Variants in COG4 observed in about 807,000 individuals in gnomAD.
The protein encoded by COG4 is conserved oligomeric Golgi complex subunit 4.
A neutral mutation model predicts 95.1 loss-of-function variants in COG4; 65 were observed. That is an observed-to-expected ratio of 0.68 (90% CI 0.56 to 0.84). The LOEUF (loss-of-function observed/expected upper bound fraction) is 0.84. COG4 is among the 40% of genes least tolerant of loss of function. The pLI, the probability that COG4 is intolerant of heterozygous loss-of-function variation, is 0.00. For missense variants in COG4, 1,045 were observed against 989.1 expected (o/e 1.06, Z -0.76); for synonymous variants, 421 against 374.8 (o/e 1.12, Z -1.42).
intron 5 of COG4, 130 bp downstream of exon 5, chr16:70,512,109 C>T: frequency 1.1e-6 from 1 of 877,276 alleles, no homozygotes; most frequent in South Asian, 1.4e-5. Context: ...TGCATGGCTA[C>T]ACAGCAAGGG....
intron 5 of COG4, among the ~76,000 whole-genome samples, chr16:70,510,932 T>C (rs2049690957): frequency 6.6e-6 from 1 of 152,062 alleles, no homozygotes; most frequent in Admixed American, 6.6e-5. Context: ...CCCGGCTAAT[T>C]TTTGTATTTT....
intron 13 of COG4, among the ~76,000 whole-genome samples, chr16:70,485,773 T>C (rs979795702): frequency 2.1e-5 from 3 of 143,508 alleles, no homozygotes; most frequent in African/African-American, 5.2e-5. Context: ...TTTGTAGAGA[T>C]GGGGTTTCAC....
At chr16:70,485,505 A>G (rs1329603074) in intron 13 of COG4, among the ~76,000 whole-genome samples, 1 of 151,194 alleles carries the variant, frequency 6.6e-6, no homozygotes, top group Non-Finnish European at 1.5e-5. Context: ...CGCCTGGCAG[A>G]GACCCTGTCT....
intron 14 of COG4, among the ~76,000 whole-genome samples, chr16:70,483,351 C>T (rs931110248): frequency 8.2e-5 from 12 of 146,638 alleles, no homozygotes; most frequent in East Asian, 2.0e-4. Context: ...GACTGCAGGG[C>T]GTTCTTCCAG....
intron 3 of COG4, chr16:70,515,763 G>C (rs1411908964): frequency 1.0e-5 from 3 of 294,160 alleles, no homozygotes; most frequent in African/African-American, 2.2e-5. Context: ...AGACACCCTT[G>C]TCTTGTTCCT....
In COG4 at chr16:70,490,369, G is replaced by A. The variant is rs1237059055; in HGVS notation, c.1671C>T (p.Val557=). Residue 557 remains valine (V), a synonymous_variant, in exon 13 of 19, where the codon GTC becomes GTT. Coordinates refer to ENST00000323786, the MANE Select transcript of COG4 (RefSeq NM_015386.3). ...SFLVTLNNVE[V]CSENISTLKK... The stretch of plus-strand genomic sequence containing the variant: ...TCAGAGTGGAGATGTTTTCACTGCA[G>A]ACTTCCACGTTGTTCAGAGTCACCT... 6.2e-7 allele frequency: 1 copy of A among 1,613,882 alleles called. No individual in the cohort carries two copies. The highest frequency in any genetic ancestry group is 1.7e-5 in the Admixed American group (1 of 60,010).
In COG4 at chr16:70,517,802, T is replaced by C. The variant is rs572274020; in HGVS notation, c.255-62A>G. 926 of 1,050,936 alleles carry C rather than the reference T, an allele frequency of 8.8e-4. 13 individuals are homozygous for C. Among genetic ancestry groups the C allele is most frequent in the South Asian group, 7.4e-3 (588 of 79,652 alleles). 65.1% of individuals were successfully genotyped at this position (1,050,936 alleles called of 1,614,324 possible). On this transcript the variant is annotated intron_variant, in intron 2 of 18. Transcript: ENST00000323786. ...GGGCAGAGAAGAGACAGAAACTTTTTTTTGCATATGGACACTATGTCTTCT... is the reference window on the plus strand; with the variant it reads ...GGGCAGAGAAGAGACAGAAACTTTTCTTTGCATATGGACACTATGTCTTCT...
At chr16:70,501,304 C>A in intron 8 of COG4, 2 of 587,336 alleles carry the variant, frequency 3.4e-6, no homozygotes, top group Non-Finnish European at 6.1e-6. Flanking sequence ...ATCATTCACT[C>A]CCTAAAATTC....
rs2049998802 is a variant in COG4 at position 70,523,453 on chromosome 16, C to T, written c.91G>A (p.Glu31Lys). ...SEGVGGGRCS[E>K]ISAELIRSLT... ...GAGCGAATGAGCTCAGCGGAGATTT[C>T]GGAGCAGCGGCCACCTCCCACCCCC... The change falls in exon 1 of 19, where the codon GAA becomes AAA. Residue 31 changes from glutamate (E) to lysine (K), a missense_variant. Transcript: ENST00000323786. 1.2e-6 allele frequency: 2 copies of T among 1,614,112 alleles called. No individual in the cohort carries two copies. The highest frequency in any genetic ancestry group is 1.3e-5 in the African/African-American group (1 of 75,044).
chr16:70,516,052 G>T (rs1323476057), intron 3 of COG4: 2 of 455,942 alleles, frequency 4.4e-6, no homozygotes, highest in Non-Finnish European at 8.8e-6. Flanking sequence ...TACCACGAAA[G>T]GATATTGAAT....
At chr16:70,509,673 G>C (rs753062363) in intron 6 of COG4, among the ~76,000 whole-genome samples, 13 of 152,156 alleles carry the variant, frequency 8.5e-5, no homozygotes, top group Non-Finnish European at 1.8e-4. Context: ...ATTTATTTTA[G>C]GGTTAAATTT....
rs2049222733 is a variant in COG4 at position 70,490,514 on chromosome 16, C to T, written c.1648-122G>A. 3 of 810,738 alleles carry T rather than the reference C, an allele frequency of 3.7e-6. No individual in the cohort carries two copies. In the East Asian group the frequency reaches 7.5e-5, roughly 20 times the overall value. 50.2% of individuals were successfully genotyped at this position (810,738 alleles called of 1,614,324 possible). On this transcript the variant is annotated intron_variant, in intron 12 of 18. Transcript: ENST00000323786. ...AGAGAAGGGCTGGCTGGAGTTCAGA[C>T]TTGCGCTAATGAAAACCCACACTGC... is the stretch of plus-strand genomic sequence containing the variant.
chr16:70,486,847 T>C (rs1268568060), intron 13 of COG4, among the ~76,000 whole-genome samples: 1 of 151,472 alleles, frequency 6.6e-6, no homozygotes, highest in Non-Finnish European at 1.5e-5. Flanking sequence ...AATACAAAAA[T>C]TAGCTAGGTG....
chr16:70,482,671 G>C, intron 15 of COG4, 58 bp downstream of exon 15: 1 of 1,404,640 alleles, frequency 7.1e-7, no homozygotes, highest in Non-Finnish European at 1.0e-6. Flanking sequence ...GCTCCCTCTA[G>C]CTGGGGCTAG....
intron 8 of COG4, among the ~76,000 whole-genome samples, chr16:70,505,757 A>G (rs1377991001): frequency 6.6e-6 from 1 of 151,534 alleles, no homozygotes; most frequent in Non-Finnish European, 1.5e-5. Flanking sequence ...TGAACCCGGG[A>G]GGTGGAGCTT....
chr16:70,489,541 AAG>A (rs1333557146), intron 13 of COG4, among the ~76,000 whole-genome samples: 1 of 151,154 alleles, frequency 6.6e-6, no homozygotes, highest in African/African-American at 2.4e-5. Flanking sequence ...AAAAAAAAAA[AAG>A]TTTTTTTTTT....
intron 5 of COG4, among the ~76,000 whole-genome samples, chr16:70,510,562 C>T (rs1332453387): frequency 3.9e-5 from 6 of 152,164 alleles, no homozygotes; most frequent in African/African-American, 7.2e-5. Flanking sequence ...TGGCCTCAAG[C>T]AATCCTCTTG....
In COG4 at chr16:70,508,448, T is replaced by C; in HGVS notation, c.1019A>G (p.Asn340Ser). ...TGTTGTAGAATTTCTCATCAGGTTGTTCTGAACATGCCGGAACTGCAACAT... is the reference window on the plus strand; with the variant it reads ...TGTTGTAGAATTTCTCATCAGGTTGCTCTGAACATGCCGGAACTGCAACAT... ...DYHQQFRHVQ[N>S]NLMRNSTTEK... Residue 340 changes from asparagine (N) to serine (S), a missense_variant, in exon 8 of 19, where the codon AAC becomes AGC. Asn to Ser is a conservative substitution (Grantham distance 46). Coordinates refer to ENST00000323786, the MANE Select transcript of COG4 (RefSeq NM_015386.3). 3.1e-6 allele frequency: 5 copies of C among 1,614,158 alleles called. No homozygotes were observed. Among genetic ancestry groups the C allele is most frequent in the Non-Finnish European group, 4.2e-6 (5 of 1,179,990 alleles).
rs1010968704 is a variant in COG4 at position 70,508,990 on chromosome 16, T to G, written c.1002+241A>C. ...AACTGGTTTACTACTTCTGCTGTGT[T>G]CTTTTCAGGAAGCTCTTTTTATTTC... On this transcript the variant is annotated intron_variant, in intron 7 of 18. Transcript: ENST00000323786. 6.8e-6 allele frequency: 4 copies of G among 586,552 alleles called. No homozygotes were observed. The African/African-American group carries it at 7.5e-5, about 11-fold the overall frequency. The allele number at this position is 586,552 out of a possible 1,614,324, so 36.3% of individuals were successfully genotyped here.
Sources: gnomAD v4.1 joint callset for allele counts (sites outside exome capture counted in the v4.1 genomes callset) on GRCh38, gnomAD v4.1.1 for gene constraint, MANE v1.5 for transcripts, NCBI Gene and HGNC (gene_info 2026-07-23, HGNC 2026-07-21) for gene names.